The following NAV2 variants were observed in gnomAD, a reference collection of about 807,000 sequenced individuals.
The protein encoded by NAV2 is neuron navigator 2.
NAV2 carries 54 observed loss-of-function variants against 223.2 expected under a neutral mutation model. The observed-to-expected ratio is 0.24, with a 90% confidence interval of 0.19 to 0.30. The LOEUF is 0.30. Among genes scored for constraint, NAV2 ranks in the 10% least tolerant of loss-of-function variants. The pLI, the probability that NAV2 is intolerant of heterozygous loss-of-function variation, is 1.00. For missense variants in NAV2, 2,806 were observed against 3,147.5 expected (o/e 0.89, Z 2.60); for synonymous variants, 1,279 against 1,239.3 (o/e 1.03, Z -0.67).
intron 1 of NAV2, among the ~76,000 whole-genome samples, chr11:19,606,712 G>A (rs752993207): frequency 6.6e-6 from 1 of 152,200 alleles, no homozygotes; most frequent in Non-Finnish European, 1.5e-5. Context: ...AATTACCTCT[G>A]CCAAGAGATA....
chr11:20,065,619 G>T lies in NAV2; in HGVS notation c.4885-2567G>T, dbSNP rs11025366. Among the ~76,000 whole-genome samples, 710 of 152,288 alleles carry T rather than the reference G, an allele frequency of 4.7e-3. 3 individuals are homozygous for T. Among genetic ancestry groups the T allele is most frequent in the Non-Finnish European group, 4.7e-3 (319 of 68,036 alleles). On this transcript the variant is annotated intron_variant, in intron 20 of 37. Transcript: ENST00000349880. Reference sequence around the variant, plus strand: ...ACCAGATGTGCAGAACAGCGGCAAGGGGGGCAAGATACAAAGCACATGCTT... The same window carrying T: ...ACCAGATGTGCAGAACAGCGGCAAGTGGGGCAAGATACAAAGCACATGCTT...
At chr11:19,761,417 G>T (rs2054723280) in intron 1 of NAV2, among the ~76,000 whole-genome samples, 1 of 152,192 alleles carries the variant, frequency 6.6e-6, no homozygotes, top group South Asian at 2.1e-4. Flanking sequence ...GATATGCTCA[G>T]GAGTGACAGG....
At chr11:19,843,248 G>C (rs1044890641) in intron 3 of NAV2, among the ~76,000 whole-genome samples, 2 of 152,160 alleles carry the variant, frequency 1.3e-5, no homozygotes, top group African/African-American at 4.8e-5. Flanking sequence ...CTTCCTCAAA[G>C]ACCCACATCA....
At chr11:19,738,598 T>C (rs1047614242) in intron 1 of NAV2, among the ~76,000 whole-genome samples, 1 of 152,164 alleles carries the variant, frequency 6.6e-6, no homozygotes, top group Non-Finnish European at 1.5e-5. Flanking sequence ...GTTTGGCTGA[T>C]CAAGTTGGTA....
At chr11:19,632,251 A>C (rs1027198940) in intron 1 of NAV2, among the ~76,000 whole-genome samples, 1 of 152,234 alleles carries the variant, frequency 6.6e-6, no homozygotes, top group Non-Finnish European at 1.5e-5. Context: ...GGCATCAAAC[A>C]GGATTGGTCT....
Position 20,038,186 on chromosome 11 carries a change from C to T in NAV2, c.2907+2089C>T, listed in dbSNP as rs147612700. On this transcript the variant is annotated intron_variant, in intron 12 of 37. Coordinates refer to ENST00000349880, the MANE Select transcript of NAV2 (RefSeq NM_145117.5). ...TACATGATTTTCTAGCTGATACAGTCGCCCCAGCTCTTTAGACCAGCTCTT... is the reference window on the plus strand; with the variant it reads ...TACATGATTTTCTAGCTGATACAGTTGCCCCAGCTCTTTAGACCAGCTCTT... 3.9e-5 allele frequency among the ~76,000 whole-genome samples: 6 copies of T among 152,310 alleles called. No homozygotes were observed. The East Asian group carries it at 7.7e-4, about 20-fold the overall frequency.
chr11:19,723,092 C>G (rs1383644307), intron 1 of NAV2, among the ~76,000 whole-genome samples: 2 of 152,194 alleles, frequency 1.3e-5, no homozygotes, highest in Non-Finnish European at 2.9e-5. Context: ...GCCCCCCACC[C>G]CCAACCGCCC....
intron 1 of NAV2, among the ~76,000 whole-genome samples, chr11:19,556,004 C>T (rs2044875814): frequency 6.6e-6 from 1 of 152,152 alleles, no homozygotes; most frequent in Non-Finnish European, 1.5e-5. Flanking sequence ...CTTTCTCCTC[C>T]TCAGCCTCCC....
At chr11:20,065,722 G>A (rs952303177) in intron 20 of NAV2, among the ~76,000 whole-genome samples, 5 of 152,216 alleles carry the variant, frequency 3.3e-5, no homozygotes, top group African/African-American at 1.2e-4. Context: ...CAGAGGCATG[G>A]GGAAGGGCTG....
intron 1 of NAV2, among the ~76,000 whole-genome samples, chr11:19,677,274 G>A (rs1481906584): frequency 6.6e-6 from 1 of 152,262 alleles, no homozygotes; most frequent in African/African-American, 2.4e-5. Context: ...TTGGGCAAGA[G>A]CAACTTGACT....
intron 1 of NAV2, among the ~76,000 whole-genome samples, chr11:19,675,297 A>G (rs540618063): frequency 6.6e-6 from 1 of 152,098 alleles, no homozygotes; most frequent in African/African-American, 2.4e-5. Flanking sequence ...CCTTTTTCCC[A>G]GTCTGCCCTC....
At chr11:19,761,532 A>G (rs1174551384) in intron 1 of NAV2, among the ~76,000 whole-genome samples, 1 of 152,178 alleles carries the variant, frequency 6.6e-6, no homozygotes, top group African/African-American at 2.4e-5. Context: ...AGGCAGCACA[A>G]TAGCCAACAC....
In NAV2 at chr11:19,498,323, G is replaced by A. The variant is rs369464386; in HGVS notation, c.75+147296G>A. Among the ~76,000 whole-genome samples, 22 of 152,326 alleles carry A rather than the reference G, an allele frequency of 1.4e-4. No homozygotes were observed. In the East Asian group the frequency reaches 4.2e-3, roughly 29 times the overall value. On this transcript the variant is annotated intron_variant, in intron 1 of 37. Coordinates refer to the NAV2 transcript ENST00000360655. ...ACACCAGGAGGTTGGTCCCCAAAAG[G>A]GGGAGGGCACAGTCTTTAGAAAATT...
chr11:19,415,498 C>A (rs911197997), intron 1 of NAV2, among the ~76,000 whole-genome samples: 24 of 152,194 alleles, frequency 1.6e-4, no homozygotes, highest in Non-Finnish European at 3.1e-4. Context: ...GATTCACAGA[C>A]AAATTCTACC....
At chr11:19,806,965 A>C (rs2058600122) in intron 1 of NAV2, among the ~76,000 whole-genome samples, 3 of 152,218 alleles carry the variant, frequency 2.0e-5, no homozygotes, top group Admixed American at 6.5e-5. Context: ...ATGGGCATCC[A>C]AACCTACTGA....
chr11:19,603,869 G>A (rs2046412287), intron 1 of NAV2, among the ~76,000 whole-genome samples: 1 of 152,104 alleles, frequency 6.6e-6, no homozygotes, highest in South Asian at 2.1e-4. Flanking sequence ...TTCTGATGAA[G>A]TGACATTTGA....
chr11:19,634,149 G>T (rs980452307), intron 1 of NAV2, among the ~76,000 whole-genome samples: 69 of 152,298 alleles, frequency 4.5e-4, no homozygotes, highest in African/African-American at 1.6e-3. Flanking sequence ...TGCTGCATAG[G>T]TTTCCCTGCA....
intron 1 of NAV2, among the ~76,000 whole-genome samples, chr11:19,462,692 A>G (rs1442232954): frequency 6.6e-6 from 1 of 152,234 alleles, no homozygotes; most frequent in Non-Finnish European, 1.5e-5. Context: ...AGTGATGACC[A>G]GGTTTGAGTA....
chr11:19,569,672 G>T (rs991993387), intron 1 of NAV2, among the ~76,000 whole-genome samples: 2 of 152,102 alleles, frequency 1.3e-5, no homozygotes, highest in African/African-American at 2.4e-5. Flanking sequence ...ATGAACGTTT[G>T]CTGTCAACTT....
Sources: allele counts gnomAD v4.1 joint callset (sites outside exome capture counted in the v4.1 genomes callset), GRCh38; gene constraint gnomAD v4.1.1; transcripts MANE v1.5; gene names NCBI Gene and HGNC (gene_info 2026-07-23, HGNC 2026-07-21).